Variants in DNAH5 observed in about 807,000 individuals in gnomAD.
DNAH5 encodes axonemal beta dynein heavy chain 5.
DNAH5 carries 372 observed loss-of-function variants against 518.2 expected under a neutral mutation model. The ratio of observed to expected loss-of-function variants is 0.72; its 90% CI spans 0.66 to 0.78. The LOEUF is 0.78. DNAH5 is among the 30% of genes least tolerant of loss of function. DNAH5 has a pLI of 0.00. For missense variants in DNAH5, 5,523 were observed against 5,687.0 expected (o/e 0.97, Z 0.93); for synonymous variants, 2,039 against 2,025.9 (o/e 1.01, Z -0.17).
intron 15 of DNAH5, among the ~76,000 whole-genome samples, chr5:13,895,500 C>T (rs10058292): frequency 2.0e-5 from 3 of 151,906 alleles, no homozygotes; most frequent in Non-Finnish European, 4.4e-5. Flanking sequence ...ATACGACATG[C>T]GTGCTGCTCC....
intron 43 of DNAH5, among the ~76,000 whole-genome samples, chr5:13,813,457 GAA>G (rs374318289): frequency 1.5e-5 from 2 of 136,762 alleles, no homozygotes; most frequent in Non-Finnish European, 1.6e-5. Context: ...GCACTTAAAA[GAA>G]AAAAAAAAAA....
chr5:13,817,912 T>C lies in DNAH5; in HGVS notation c.6842-218A>G, dbSNP rs887298456. Among the ~76,000 whole-genome samples, 7 of 152,218 alleles carry C rather than the reference T, an allele frequency of 4.6e-5. No individual in the cohort carries two copies. The South Asian group carries it at 1.4e-3, about 32-fold the overall frequency. ...CTTTTTTATCTTCTTTAGAGAAAATTGCATATTGTTTAGGGGTGAAAAAAG... is the reference window on the plus strand; with the variant it reads ...CTTTTTTATCTTCTTTAGAGAAAATCGCATATTGTTTAGGGGTGAAAAAAG... On this transcript the variant is annotated intron_variant, in intron 41 of 78. Coordinates refer to ENST00000265104, the MANE Select transcript of DNAH5 (RefSeq NM_001369.3).
At chr5:13,976,517 T>C (rs965215793) in intron 1 of DNAH5, among the ~76,000 whole-genome samples, 5 of 152,172 alleles carry the variant, frequency 3.3e-5, no homozygotes, top group Non-Finnish European at 2.9e-5. Context: ...AGGGTAAGCA[T>C]AACACAATAA....
At chr5:13,803,828 T>G (rs1759140713) in intron 47 of DNAH5, among the ~76,000 whole-genome samples, 1 of 152,164 alleles carries the variant, frequency 6.6e-6, no homozygotes. Context: ...TTTTATAGAT[T>G]AATCTACTGC....
rs775564185 is a variant in DNAH5 at position 13,729,482 on chromosome 5, A to G, written c.11840T>C (p.Val3947Ala). 7 of 1,614,064 alleles carry G rather than the reference A, an allele frequency of 4.3e-6. No individual in the cohort carries two copies. In the South Asian group the frequency reaches 6.6e-5, roughly 15 times the overall value. ...AAACTGTCTGAGTTTGCTAAGTTCC[A>G]CCAAATTCAGCCATGTTATGTCCAG... is the stretch of plus-strand genomic sequence containing the variant. ...WILDITWLNL[V>A]ELSKLRQFSD... is the part of the protein sequence containing the mutation. Residue 3947 changes from valine (V) to alanine (A), a missense_variant, in exon 69 of 79, where the codon GTG (valine) becomes GCG (alanine). Around this residue, in one of 3 missense-constraint regions of DNAH5, gnomAD observed 5,121 missense variants for 5,223.3 expected, o/e 0.98. Coordinates refer to ENST00000265104, the MANE Select transcript of DNAH5 (RefSeq NM_001369.3).
At chr5:13,763,047 C>A in intron 59 of DNAH5, 146 bp from the exon 60 acceptor site, 3 of 746,930 alleles carry the variant, frequency 4.0e-6, no homozygotes, top group Non-Finnish European at 6.8e-6. Context: ...AGATATGAGG[C>A]AAAAGTCCTA....
chr5:13,796,856 T>C (rs1030034026), intron 47 of DNAH5, among the ~76,000 whole-genome samples: 1 of 152,042 alleles, frequency 6.6e-6, no homozygotes, highest in African/African-American at 2.4e-5. Flanking sequence ...AACAGAGAGA[T>C]AGACCAATGG....
At chr5:13,874,110 A>T (rs1427046587) in intron 22 of DNAH5, among the ~76,000 whole-genome samples, 2 of 152,168 alleles carry the variant, frequency 1.3e-5, no homozygotes, top group Non-Finnish European at 2.9e-5. Flanking sequence ...AGAAAGCTAA[A>T]CCTATCACTG....
rs886194487 is a variant in DNAH5 at position 13,890,938 on chromosome 5, C to G, written c.2577+38G>C. The G allele has an allele frequency of 1.2e-5, 19 of 1,612,862 alleles. No individual in the cohort carries two copies. The East Asian group carries it at 3.8e-4, about 32-fold the overall frequency. On this transcript the variant is annotated intron_variant, in intron 17 of 78. Transcript: ENST00000265104. Reference sequence around the variant, plus strand: ...TGACCTTTATAGGAAAATGAATCACCAAAAACCTTAAACAAAAAAAATCAA... The same window carrying G: ...TGACCTTTATAGGAAAATGAATCACGAAAAACCTTAAACAAAAAAAATCAA...
At chr5:13,738,710 A>G (rs73749941) in intron 65 of DNAH5, among the ~76,000 whole-genome samples, 2,052 of 152,238 alleles carry the variant, frequency 0.013, 39 homozygotes, top group African/African-American at 0.046. Context: ...AAGCCACAGG[A>G]AGAGGAAGCC....
chr5:13,983,479 AC>A (rs1399532662), intron 1 of DNAH5, among the ~76,000 whole-genome samples: 1 of 152,232 alleles, frequency 6.6e-6, no homozygotes, highest in East Asian at 1.9e-4. Context: ...CATGTTTAAA[AC>A]ACAAGAATAC....
At chr5:13,983,091 A>T (rs911149574) in intron 1 of DNAH5, among the ~76,000 whole-genome samples, 1 of 152,220 alleles carries the variant, frequency 6.6e-6, no homozygotes. Flanking sequence ...ACCGCACAAA[A>T]GCCCTAGGAA....
At chr5:13,774,477 A>G (rs1753791950) in intron 55 of DNAH5, among the ~76,000 whole-genome samples, 2 of 152,094 alleles carry the variant, frequency 1.3e-5, no homozygotes, top group African/African-American at 4.8e-5. Context: ...TAGACCGGAG[A>G]AAAAATTGAT....
chr5:13,908,517 C>A (rs561065523), intron 12 of DNAH5, among the ~76,000 whole-genome samples: 2 of 152,262 alleles, frequency 1.3e-5, no homozygotes, highest in Non-Finnish European at 2.9e-5. Context: ...TTGTTCTGAG[C>A]CTTGGTCCAT....
chr5:13,881,965 A>C (rs1307276598), intron 21 of DNAH5, among the ~76,000 whole-genome samples: 3 of 152,092 alleles, frequency 2.0e-5, no homozygotes, highest in African/African-American at 7.2e-5. Context: ...ACTCAAGTAA[A>C]TAAAATCACA....
intron 24 of DNAH5, among the ~76,000 whole-genome samples, chr5:13,869,869 C>T (rs573603460): frequency 6.6e-6 from 1 of 151,962 alleles, no homozygotes; most frequent in Non-Finnish European, 1.5e-5. Context: ...TTGCTGGTGG[C>T]CTAACATGAG....
intron 16 of DNAH5, among the ~76,000 whole-genome samples, chr5:13,893,605 T>C (rs777320913): frequency 5.3e-5 from 8 of 152,142 alleles, no homozygotes; most frequent in Non-Finnish European, 8.8e-5. Flanking sequence ...TTATAAATTA[T>C]CAATTTACAA....
intron 7 of DNAH5, 114 bp from the exon 8 acceptor site, chr5:13,917,370 A>C: frequency 1.3e-5 from 10 of 779,354 alleles, no homozygotes; most frequent in Non-Finnish European, 2.2e-5. Context: ...TGTCCATCTC[A>C]CAGAAAACTG....
At chr5:13,987,839 CA>C (rs397939421) in intron 1 of DNAH5, among the ~76,000 whole-genome samples, 3,827 of 101,856 alleles carry the variant, frequency 0.038, 133 homozygotes, top group East Asian at 0.13. Flanking sequence ...GGGCAAGTCT[CA>C]AAAAAAAAAA....
Sources: allele counts gnomAD v4.1 joint callset (sites outside exome capture counted in the v4.1 genomes callset), GRCh38; gene constraint gnomAD v4.1.1; regional missense constraint gnomAD v4.1.1; transcripts MANE v1.5; gene names NCBI Gene and HGNC (gene_info 2026-07-23, HGNC 2026-07-21).